GARNL3: variants seen among roughly 807,000 people sequenced by gnomAD.
The protein encoded by GARNL3 is GTPase activating Rap/RanGAP domain like 3, also known as GTPase-activating Rap/Ran-GAP domain-like protein 3.
GARNL3 carries 63 observed loss-of-function variants against 125.0 expected under a neutral mutation model. That is an observed-to-expected ratio of 0.50 (90% confidence interval 0.41 to 0.62). The LOEUF is 0.62. Among genes scored for constraint, GARNL3 ranks in the 20% least tolerant of loss-of-function variants. The pLI is 0.00. For synonymous variants in GARNL3, 439 were observed against 457.5 expected (o/e 0.96, Z 0.52); for missense variants, 994 against 1,244.0 (o/e 0.80, Z 3.02).
intron 12 of GARNL3, among the ~76,000 whole-genome samples, chr9:127,339,373 CA>C (rs1445898539): frequency 1.3e-5 from 2 of 151,450 alleles, no homozygotes; most frequent in Non-Finnish European, 2.9e-5. Flanking sequence ...TGGTGGGAGG[CA>C]AAAGTCATGT....
chr9:127,262,138 T>A (rs1340685208), upstream of GARNL3, among the ~76,000 whole-genome samples: 1 of 152,158 alleles, frequency 6.6e-6, no homozygotes, highest in African/African-American at 2.4e-5. Flanking sequence ...TGCCTACTAC[T>A]TTAGGGTGTT....
Position 127,352,549 on chromosome 9 carries a change from C to T in GARNL3, c.1544-1297C>T, listed in dbSNP as rs140986604. Among the ~76,000 whole-genome samples the T allele has an allele frequency of 1.3e-3, 191 of 152,260 alleles. 1 individual carries two copies. The highest frequency in any genetic ancestry group is 6.8e-3 in the South Asian group (33 of 4,822). On this transcript the variant is annotated intron_variant, in intron 17 of 27. Transcript: ENST00000373387. The stretch of plus-strand genomic sequence containing the variant: ...GAATTAGTTCCATTTTGTGGGAGCC[C>T]AGGGTAGAGGAGGAAGAAAAGTGGT...
At chr9:127,286,101 AC>A (rs2064243568) in intron 1 of GARNL3, among the ~76,000 whole-genome samples, 1 of 152,230 alleles carries the variant, frequency 6.6e-6, no homozygotes, top group Non-Finnish European at 1.5e-5. Context: ...CTTACTAAGT[AC>A]TAAACTCCTG....
intron 17 of GARNL3, chr9:127,353,390 C>T (rs1474800574): frequency 2.0e-5 from 3 of 153,766 alleles, no homozygotes; most frequent in East Asian, 3.9e-4. Context: ...TTTAATTTTG[C>T]TTTCTTGAGG....
At chr9:127,243,160 A>T (rs754641459) in exon 2 of GARNL3, 2 of 1,366,160 alleles carry the variant, frequency 1.5e-6, no homozygotes, top group African/African-American at 3.0e-5. Flanking sequence ...AAACCATTCT[A>T]TGGAAAGCAA....
intron 2 of GARNL3, among the ~76,000 whole-genome samples, chr9:127,293,509 C>A (rs532479955): frequency 6.6e-6 from 1 of 151,860 alleles, no homozygotes; most frequent in African/African-American, 2.4e-5. Context: ...CTGGCACGTC[C>A]GTTGTCATGT....
In GARNL3 at chr9:127,385,922, G is replaced by A. The variant is rs1274305430; in HGVS notation, c.2388+777G>A. ...AGTCCCGCAGTGCTCTGGAAAATGT[G>A]TGTGTGTGCACATATGTGCATATAT... On this transcript the variant is annotated intron_variant, in intron 24 of 27. Transcript: ENST00000373387. The surrounding 1 kb of genome is among the most constrained non-coding windows in gnomAD (Gnocchi z 4.1). Among the ~76,000 whole-genome samples, 2 of 152,206 alleles carry A rather than the reference G, an allele frequency of 1.3e-5. No homozygotes were observed. The highest frequency in any genetic ancestry group is 2.9e-5 in the Non-Finnish European group (2 of 68,046).
At chr9:127,281,412 G>C (rs759333495) in intron 1 of GARNL3, among the ~76,000 whole-genome samples, 2 of 152,160 alleles carry the variant, frequency 1.3e-5, no homozygotes, top group Non-Finnish European at 2.9e-5. Context: ...TCCAGATCCA[G>C]GGCCTTGGTG....
In GARNL3 at chr9:127,313,568, A is replaced by G. The variant is rs186088844; in HGVS notation, c.438+9A>G. The G allele has an allele frequency of 7.6e-4, 1,198 of 1,582,542 alleles. No homozygotes were observed. The highest frequency in any genetic ancestry group is 9.9e-4 in the Non-Finnish European group (1,140 of 1,151,218). ...TTCTTTGGAGAAAAACAGTAAGTAT[A>G]TGGCTCACACTTGAAGCAAAATTTA... On this transcript the variant is annotated intron_variant, in intron 4 of 27. Coordinates refer to ENST00000373387, the MANE Select transcript of GARNL3 (RefSeq NM_032293.5).
intron 22 of GARNL3, among the ~76,000 whole-genome samples, chr9:127,374,226 A>G (rs1035460640): frequency 1.3e-5 from 2 of 152,160 alleles, no homozygotes; most frequent in African/African-American, 2.4e-5. Context: ...ACTTGAACCC[A>G]GGAGGCGGAG....
At chr9:127,329,068 C>T (rs1829059672) in intron 7 of GARNL3, among the ~76,000 whole-genome samples, 1 of 152,196 alleles carries the variant, frequency 6.6e-6, no homozygotes, top group Non-Finnish European at 1.5e-5. Flanking sequence ...CCAGATCAAA[C>T]TATCCCCTCC....
intron 2 of GARNL3, among the ~76,000 whole-genome samples, chr9:127,307,541 G>C (rs1428805546): frequency 6.6e-6 from 1 of 152,212 alleles, no homozygotes; most frequent in Admixed American, 6.5e-5. Flanking sequence ...ATAGGCAACT[G>C]ATCAAGCACA....
chr9:127,262,166 C>A (rs923353942), upstream of GARNL3, among the ~76,000 whole-genome samples: 1 of 152,244 alleles, frequency 6.6e-6, no homozygotes, highest in African/African-American at 2.4e-5. Flanking sequence ...CGGCACCCCA[C>A]TGCAAGATAC....
At chr9:127,290,187 A>G (rs1442717617) in intron 1 of GARNL3, among the ~76,000 whole-genome samples, 1 of 152,244 alleles carries the variant, frequency 6.6e-6, no homozygotes, top group African/African-American at 2.4e-5. Flanking sequence ...GCATTCAACA[A>G]ATACCAGATA....
chr9:127,382,539 G>A (rs1366777043), intron 22 of GARNL3, among the ~76,000 whole-genome samples: 4 of 152,094 alleles, frequency 2.6e-5, no homozygotes, highest in Admixed American at 1.3e-4. Flanking sequence ...TTTAGCCTGG[G>A]ATGGGGAGGC....
chr9:127,268,963 G>A (rs558815035), intron 1 of GARNL3, among the ~76,000 whole-genome samples: 1 of 152,138 alleles, frequency 6.6e-6, no homozygotes, highest in African/African-American at 2.4e-5. Context: ...CCGTTGTATT[G>A]ATACACCACA....
chr9:127,342,382 G>C (rs781299730), intron 14 of GARNL3, 48 bp downstream of exon 14: 2 of 1,219,470 alleles, frequency 1.6e-6, no homozygotes, highest in South Asian at 2.4e-5. Context: ...GGTCTGAGTT[G>C]AGAACACAAG....
At chr9:127,251,645 C>T (rs758584139) in intron 2 of GARNL3, among the ~76,000 whole-genome samples, 4 of 152,208 alleles carry the variant, frequency 2.6e-5, no homozygotes, top group East Asian at 1.9e-4. Context: ...CTGTGCCTCC[C>T]GATCCATTAA....
At chr9:127,368,751 A>C (rs1338670707) in intron 22 of GARNL3, among the ~76,000 whole-genome samples, 1 of 147,254 alleles carries the variant, frequency 6.8e-6, no homozygotes, top group Non-Finnish European at 1.5e-5. Context: ...CCTAGCCAAC[A>C]TGGTGAAACC....
Sources: gnomAD v4.1 joint callset for allele counts (sites outside exome capture counted in the v4.1 genomes callset) on GRCh38, gnomAD v4.1.1 for gene constraint, Gnocchi (gnomAD v3.1) non-coding constraint, MANE v1.5 for transcripts, NCBI Gene and HGNC (gene_info 2026-07-23, HGNC 2026-07-21) for gene names.